The following CTPS2 variants were observed in gnomAD, a reference collection of about 807,000 sequenced individuals.
The protein encoded by CTPS2 is CTP synthase II.
CTPS2 carries 19 observed loss-of-function variants against 46.8 expected under a neutral mutation model. The ratio of observed to expected loss-of-function variants is 0.41; its 90% CI spans 0.28 to 0.60. CTPS2 has a LOEUF of 0.60. CTPS2 is among the 20% of genes least tolerant of loss of function. The pLI is 0.35. For missense variants in CTPS2, 286 were observed against 447.6 expected, an observed-to-expected ratio of 0.64 and a Z score of 3.26; for synonymous variants, 151 against 165.2, an observed-to-expected ratio of 0.91 and a Z score of 0.66.
chrX:16,643,094 C>T, intron 13 of CTPS2, among the ~76,000 whole-genome samples: 1 of 111,844 alleles, frequency 8.9e-6, no homozygotes, highest in Admixed American at 9.5e-5. Context: ...CACTAATTAA[C>T]CTTTACTGAT....
At chrX:16,593,336 G>T (rs189761464) in intron 17 of CTPS2, among the ~76,000 whole-genome samples, 77 of 107,361 alleles carry the variant, frequency 7.2e-4, no homozygotes, top group Non-Finnish European at 1.2e-3. Flanking sequence ...GGCTGAGGCA[G>T]GAGAATGGCG....
intron 13 of CTPS2, among the ~76,000 whole-genome samples, chrX:16,656,950 C>T (rs761697750): frequency 1.8e-5 from 2 of 111,476 alleles, no homozygotes; most frequent in Admixed American, 1.9e-4. Flanking sequence ...TTGGCACTTT[C>T]AGGGCTCACT....
chrX:16,692,697 G>C (rs1923798660), intron 6 of CTPS2, among the ~76,000 whole-genome samples: 2 of 111,133 alleles, frequency 1.8e-5, no homozygotes, highest in Non-Finnish European at 1.9e-5. Flanking sequence ...CTCCCAGATA[G>C]AAAAACCTCA....
rs945198414 is a variant in CTPS2, at chrX:16,683,107, T to C, written c.992A>G (p.Lys331Arg). The C allele has an allele frequency of 1.7e-6, 2 of 1,211,320 alleles. No individual in the cohort carries two copies. Among genetic ancestry groups the C allele is most frequent in the Non-Finnish European group, 2.2e-6 (2 of 895,284 alleles). The change falls in exon 9 of 19, where the codon AAG (lysine) becomes AGG (arginine). Residue 331 changes from lysine (K) to arginine (R), a missense_variant. Lys to Arg is a conservative substitution (Grantham distance 26). Transcript: ENST00000359276. ...LEHSALAINH[K>R]LNLMYIDSID... ...GCCAGGACTCACCATCAGATTCAAC[T>C]TGTGGTTGATGGCCAGGGCTGAGTG...
At chrX:16,653,799 G>A (rs1461673776) in intron 13 of CTPS2, among the ~76,000 whole-genome samples, 1 of 111,974 alleles carries the variant, frequency 8.9e-6, no homozygotes, top group East Asian at 2.8e-4. Context: ...TTAGTTAAGG[G>A]GTTGAGCTCT....
intron 10 of CTPS2, among the ~76,000 whole-genome samples, chrX:16,674,631 G>A (rs1167816137): frequency 3.6e-4 from 38 of 106,021 alleles, no homozygotes; most frequent in South Asian, 1.3e-3. Context: ...GAGGTCAGGA[G>A]ATCGAGACCA....
At chrX:16,671,673 C>A (rs1921768102) in intron 10 of CTPS2, among the ~76,000 whole-genome samples, 2 of 108,737 alleles carry the variant, frequency 1.8e-5, no homozygotes, top group Non-Finnish European at 3.8e-5. Context: ...CGCCACCACG[C>A]CCAGCTAATG....
At chrX:16,674,345 T>G (rs1160221016) in intron 10 of CTPS2, among the ~76,000 whole-genome samples, 1 of 109,888 alleles carries the variant, frequency 9.1e-6, no homozygotes, top group Non-Finnish European at 1.9e-5. Flanking sequence ...GTATTTTTAG[T>G]AGAGACGGGG....
chrX:16,648,502 T>C (rs769966997), intron 13 of CTPS2, among the ~76,000 whole-genome samples: 21 of 112,636 alleles, frequency 1.9e-4, no homozygotes, highest in African/African-American at 6.8e-4. Context: ...TAAAAAAAGA[T>C]AGTTCTTGTT....
In CTPS2 at chrX:16,640,867, A is replaced by G. The variant is rs906506303; in HGVS notation, c.1297-1624T>C. ...TTTCTGAGGTAAAAAATTCCCAACA[A>G]AATGTCTGATCTTATCAGTGCCCCA... On this transcript the variant is annotated intron_variant, in intron 13 of 18. Transcript: ENST00000359276. Among the ~76,000 whole-genome samples, 4 of 111,707 alleles carry G rather than the reference A, an allele frequency of 3.6e-5. No homozygotes were observed. The Admixed American group carries it at 3.8e-4, about 11-fold the overall frequency.
chrX:16,640,655 G>A (rs1027117884), intron 13 of CTPS2, among the ~76,000 whole-genome samples: 2 of 111,757 alleles, frequency 1.8e-5, no homozygotes, highest in Admixed American at 9.5e-5. Flanking sequence ...TGTTCACTAC[G>A]ATCTCATGGT....
intron 14 of CTPS2, among the ~76,000 whole-genome samples, chrX:16,637,049 T>C (rs1931792289): frequency 8.9e-6 from 1 of 112,651 alleles, no homozygotes; most frequent in African/African-American, 3.2e-5. Context: ...GTGTTTAAGA[T>C]TCATGAAAAT....
chrX:16,652,163 C>G (rs1259694221), intron 13 of CTPS2, among the ~76,000 whole-genome samples: 1 of 111,582 alleles, frequency 9.0e-6, no homozygotes, highest in Non-Finnish European at 1.9e-5. Flanking sequence ...GAGAGGGAAG[C>G]CCAAGGTCAG....
chrX:16,705,682 G>C (rs1482057105), intron 1 of CTPS2, among the ~76,000 whole-genome samples: 1 of 111,414 alleles, frequency 9.0e-6, no homozygotes. Flanking sequence ...GGGAGGCCAA[G>C]GTAGGAGGGT....
chrX:16,637,079 T>C (rs992618078), intron 14 of CTPS2, among the ~76,000 whole-genome samples: 2 of 111,847 alleles, frequency 1.8e-5, no homozygotes, highest in African/African-American at 6.5e-5. Flanking sequence ...ATCAATATTT[T>C]TATGTCTACT....
intron 13 of CTPS2, among the ~76,000 whole-genome samples, chrX:16,660,214 T>C (rs1932912583): frequency 9.3e-6 from 1 of 107,973 alleles, no homozygotes; most frequent in African/African-American, 3.4e-5. Flanking sequence ...AATTTTTCTT[T>C]CTTTCTTTCT....
At chrX:16,689,054 G>A (rs188825521) in intron 8 of CTPS2, among the ~76,000 whole-genome samples, 97 of 111,347 alleles carry the variant, frequency 8.7e-4, no homozygotes, top group African/African-American at 3.1e-3. Context: ...AGCCGAGATC[G>A]TGCCACTGCA....
At chrX:16,686,011 G>A (rs1178087720) in intron 8 of CTPS2, among the ~76,000 whole-genome samples, 1 of 110,594 alleles carries the variant, frequency 9.0e-6, no homozygotes, top group Non-Finnish European at 1.9e-5. Flanking sequence ...CATGATAGAG[G>A]CTGTTCCTTT....
chrX:16,676,423 C>G (rs1270849093), intron 10 of CTPS2, among the ~76,000 whole-genome samples: 1 of 111,798 alleles, frequency 8.9e-6, no homozygotes, highest in Non-Finnish European at 1.9e-5. Context: ...GGTACAAACC[C>G]ATGGGTGGGC....
Sources: allele counts gnomAD v4.1 joint callset (sites outside exome capture counted in the v4.1 genomes callset), GRCh38; gene constraint gnomAD v4.1.1; transcripts MANE v1.5; gene names NCBI Gene and HGNC (gene_info 2026-07-23, HGNC 2026-07-21).